Variants in RCAN1 observed in about 807,000 individuals in gnomAD.
RCAN1 encodes the protein calcipressin-1.
In RCAN1, 11 loss-of-function variants were observed where a neutral mutation model predicts 22.9. The observed-to-expected ratio is 0.48, with a 90% CI of 0.30 to 0.79. The LOEUF (loss-of-function observed/expected upper bound fraction) is 0.79, where lower values mean the gene tolerates loss of function less well. Among genes scored for constraint, RCAN1 ranks in the 30% least tolerant of loss-of-function variants. The pLI, the probability that RCAN1 is intolerant of heterozygous loss-of-function variation, is 0.06. For missense variants in RCAN1, 291 were observed against 337.8 expected (o/e 0.86, Z 1.09); for synonymous variants, 136 against 142.3 (o/e 0.96, Z 0.32).
At chr21:34,525,169 G>A (rs1984942824) in intron 1 of RCAN1, 5 of 1,550,614 alleles carry the variant, frequency 3.2e-6, no homozygotes, top group African/African-American at 2.7e-5. Context: ...CTTCAGGAAT[G>A]TTCACTGCTA....
At position 34,529,659 on chromosome 21, in the gene RCAN1, G is replaced by T. The variant is rs1409332595; in HGVS notation, c.253-5949C>A. ...CTTTCCTACTTGTATATTCCTTGTG[G>T]TTTTGGAGGCAAGTATATTCCTGAT... On this transcript the variant is annotated intron_variant, in intron 1 of 3. Transcript: ENST00000313806. 7.2e-5 allele frequency among the ~76,000 whole-genome samples: 11 copies of T among 152,278 alleles called. No homozygotes were observed. In the East Asian group the frequency reaches 2.1e-3, roughly 29 times the overall value.
At chr21:34,587,584 A>G (rs1043030788) in intron 1 of RCAN1, among the ~76,000 whole-genome samples, 5 of 152,188 alleles carry the variant, frequency 3.3e-5, no homozygotes, top group Non-Finnish European at 5.9e-5. Context: ...AGAATACTGT[A>G]CTATAACCAA....
At chr21:34,577,029 T>G in intron 1 of RCAN1, among the ~76,000 whole-genome samples, 1 of 151,764 alleles carries the variant, frequency 6.6e-6, no homozygotes, top group African/African-American at 2.4e-5. Context: ...CCGGCAGGGG[T>G]CAGCTCCATG....
rs1458170861 is a variant in RCAN1, at chr21:34,615,087, C to G, written c.-76G>C. ...GCGCCGGAGCCTCACGCGCTCCGGTCCGCGCCCGGCCGGCGGCTCCGCCGT... is the reference window on the plus strand; with the variant it reads ...GCGCCGGAGCCTCACGCGCTCCGGTGCGCGCCCGGCCGGCGGCTCCGCCGT... On this transcript the variant is annotated 5_prime_UTR_variant, in exon 1 of 4. Transcript: ENST00000313806. The G allele has an allele frequency of 1.0e-6, 1 of 998,180 alleles. No individual in the cohort carries two copies. Among genetic ancestry groups the G allele is most frequent in the African/African-American group, 1.7e-5 (1 of 57,362 alleles). 61.8% of individuals were successfully genotyped at this position (998,180 alleles called of 1,614,324 possible).
chr21:34,578,686 A>G (rs1362738235), intron 1 of RCAN1, among the ~76,000 whole-genome samples: 3 of 152,162 alleles, frequency 2.0e-5, no homozygotes, highest in South Asian at 2.1e-4. Flanking sequence ...CTCTGGAAGA[A>G]TCTCCTGAAC....
intron 1 of RCAN1, among the ~76,000 whole-genome samples, chr21:34,541,733 G>A (rs556499058): frequency 1.3e-5 from 2 of 152,182 alleles, no homozygotes; most frequent in Non-Finnish European, 2.9e-5. Flanking sequence ...AGGAGATAGA[G>A]ACCATCCTGG....
chr21:34,571,423 T>G (rs374920717), intron 1 of RCAN1, among the ~76,000 whole-genome samples: 4 of 152,382 alleles, frequency 2.6e-5, no homozygotes, highest in East Asian at 3.9e-4. Flanking sequence ...AAATACATTT[T>G]ACAAAATTTA....
In RCAN1 at chr21:34,518,811, C is replaced by A. The variant is rs1038784961; in HGVS notation, c.587-555G>T. ...CCTGGGCATCTTTTCCTTAGAACAA[C>A]TTCTAATCCCCGGGACCAGGAGTGT... On this transcript the variant is annotated intron_variant, in intron 3 of 3. Transcript: ENST00000313806. This position sits in a 1 kb window ranked among gnomAD's most constrained non-coding sequence, Gnocchi z 4.2. Among the ~76,000 whole-genome samples, 1 of 152,202 alleles carries A rather than the reference C, an allele frequency of 6.6e-6. No homozygotes were observed.
chr21:34,525,520 CA>C (rs1407321088), intron 1 of RCAN1: 5 of 648,192 alleles, frequency 7.7e-6, no homozygotes, highest in Non-Finnish European at 1.2e-5. Context: ...CATCAATAGG[CA>C]CTGTGACCCA....
chr21:34,580,799 A>C (rs997822006), intron 1 of RCAN1, among the ~76,000 whole-genome samples: 1 of 152,186 alleles, frequency 6.6e-6, no homozygotes, highest in African/African-American at 2.4e-5. Flanking sequence ...TTGCACGAAG[A>C]AGGGACCCAA....
At chr21:34,528,096 T>C (rs1201486551) in intron 1 of RCAN1, among the ~76,000 whole-genome samples, 1 of 152,172 alleles carries the variant, frequency 6.6e-6, no homozygotes, top group Non-Finnish European at 1.5e-5. Flanking sequence ...CTAAAAGCAC[T>C]CAAGTTATTT....
rs1985253312 is a variant in RCAN1, at chr21:34,529,412, C to A, written c.253-5702G>T. ...GCAAAGCACAGGGTTTCCTGGGACA[C>A]CTGTCCCTGTACCCATAGGGTAAGA... On this transcript the variant is annotated intron_variant, in intron 1 of 3. Transcript: ENST00000313806. Among the ~76,000 whole-genome samples the A allele has an allele frequency of 2.0e-5, 3 of 152,208 alleles. No individual in the cohort carries two copies. In the South Asian group the frequency reaches 6.2e-4, roughly 32 times the overall value.
intron 1 of RCAN1, among the ~76,000 whole-genome samples, chr21:34,611,505 AT>A (rs1471504705): frequency 6.6e-6 from 1 of 152,102 alleles, no homozygotes; most frequent in South Asian, 2.1e-4. Flanking sequence ...GTTCAGGTTA[AT>A]TTTTTTTCTT....
intron 1 of RCAN1, among the ~76,000 whole-genome samples, chr21:34,568,476 TGTTTGTTG>T (rs1180786621): frequency 6.6e-6 from 1 of 152,186 alleles, no homozygotes; most frequent in African/African-American, 2.4e-5. Context: ...CTAGAAAGTG[TGTTTGTTG>T]GCGAGATGGC....
At chr21:34,555,772 T>A (rs1986540073) in intron 1 of RCAN1, among the ~76,000 whole-genome samples, 1 of 150,890 alleles carries the variant, frequency 6.6e-6, no homozygotes, top group African/African-American at 2.4e-5. Context: ...TTTAAAAAAA[T>A]AAAAGGCAGG....
At chr21:34,592,719 TTG>T (rs1988015154) in intron 1 of RCAN1, among the ~76,000 whole-genome samples, 1 of 152,218 alleles carries the variant, frequency 6.6e-6, no homozygotes, top group Non-Finnish European at 1.5e-5. Flanking sequence ...CATCTGTTTC[TTG>T]TGTTTTCCGA....
At chr21:34,537,826 T>TTGTGTG (rs3831800) in intron 1 of RCAN1, among the ~76,000 whole-genome samples, 1 of 150,706 alleles carries the variant, frequency 6.6e-6, no homozygotes, top group Non-Finnish European at 1.5e-5. Context: ...CACATGGTAA[T>TTGTGTG]TGTGTGTGTG....
chr21:34,521,892 G>T, intron 2 of RCAN1: 1 of 524,306 alleles, frequency 1.9e-6, no homozygotes. Flanking sequence ...GGGAGTCACA[G>T]GCACAGGGAC....
At chr21:34,595,176 C>T (rs1188109272) in intron 1 of RCAN1, among the ~76,000 whole-genome samples, 1 of 152,224 alleles carries the variant, frequency 6.6e-6, no homozygotes, top group Non-Finnish European at 1.5e-5. Context: ...AGAACAAATG[C>T]ACTAAGAGCA....
Sources: allele counts gnomAD v4.1 joint callset (sites outside exome capture counted in the v4.1 genomes callset), GRCh38; gene constraint gnomAD v4.1.1; non-coding constraint Gnocchi (gnomAD v3.1); transcripts MANE v1.5; gene names NCBI Gene and HGNC (gene_info 2026-07-23, HGNC 2026-07-21).